Variants in MAP3K20 observed in about 807,000 individuals in gnomAD.
MAP3K20 encodes the protein HCCS-4.
Under a neutral mutation model 85.7 loss-of-function variants are expected in MAP3K20, and 40 were observed. That is an observed-to-expected ratio of 0.47 (90% CI 0.36 to 0.61). MAP3K20 has a LOEUF of 0.61. MAP3K20 is among the 20% of genes least tolerant of loss of function. The pLI is 0.00. For synonymous variants in MAP3K20, 325 were observed against 327.7 expected (o/e 0.99, Z 0.09); for missense variants, 817 against 961.7 (o/e 0.85, Z 1.99).
rs186915070 is a variant in MAP3K20 at position 173,105,510 on chromosome 2, A to T, written c.159+14320A>T. On this transcript the variant is annotated intron_variant, in intron 2 of 19. Transcript: ENST00000375213. ...CCATTTACAATGCAATAAAAATATG[A>T]AATACTTGGAAGCAACCTAAATGTC... Among the ~76,000 whole-genome samples the T allele has an allele frequency of 5.2e-3, 793 of 152,350 alleles. 5 individuals are homozygous for T. Among genetic ancestry groups the T allele is most frequent in the Non-Finnish European group, 8.7e-3 (591 of 68,036 alleles).
rs766276002 is a variant in MAP3K20, at chr2:173,217,105, C to T, written c.852-10C>T. 6.5e-7 allele frequency: 1 copy of T among 1,532,432 alleles called. No homozygotes were observed. Among genetic ancestry groups the T allele is most frequent in the African/African-American group, 1.4e-5 (1 of 72,042 alleles). 94.9% of individuals were successfully genotyped at this position (1,532,432 alleles called of 1,614,324 possible). A position where few individuals can be genotyped will look rare whatever the true frequency, so the allele number is the denominator to read the frequency against. On this transcript the variant is annotated splice_polypyrimidine_tract_variant and intron_variant, in intron 10 of 19. Coordinates refer to ENST00000375213, the MANE Select transcript of MAP3K20 (RefSeq NM_016653.3). ...TAAAGTTGAGACTTACACCAGCTAT[C>T]CCCGTGCAGGTGCGAAATTGAGGCA...
chr2:173,188,296 G>A (rs751681598), intron 5 of MAP3K20, among the ~76,000 whole-genome samples: 1 of 152,108 alleles, frequency 6.6e-6, no homozygotes, highest in Non-Finnish European at 1.5e-5. Context: ...TGCTTCTTCT[G>A]TTACATCACT....
intron 19 of MAP3K20, among the ~76,000 whole-genome samples, chr2:173,265,805 A>G (rs889000791): frequency 2.0e-5 from 3 of 152,228 alleles, no homozygotes; most frequent in Non-Finnish European, 4.4e-5. Flanking sequence ...GGATTAAATG[A>G]GATAGTGTAA....
In MAP3K20 at chr2:173,075,955, G is replaced by T; in HGVS notation, c.-82G>T. 6 of 985,152 alleles carry T rather than the reference G, an allele frequency of 6.1e-6. No homozygotes were observed. The highest frequency in any genetic ancestry group is 7.2e-6 in the Non-Finnish European group (6 of 829,902). 61.0% of individuals were successfully genotyped at this position (985,152 alleles called of 1,614,324 possible). A position where few individuals can be genotyped will look rare whatever the true frequency, so the allele number is the denominator to read the frequency against. On this transcript the variant is annotated 5_prime_UTR_variant, in exon 1 of 20. Transcript: ENST00000375213. ...AACCCCCGCCGCCCTCGTCGCGCGC[G>T]GGGCCTCCGCGCCCCCGGCTGCTGC...
intron 2 of MAP3K20, among the ~76,000 whole-genome samples, chr2:173,097,708 G>T (rs1051826302): frequency 1.3e-5 from 2 of 152,026 alleles, no homozygotes; most frequent in Admixed American, 1.3e-4. Flanking sequence ...TTTATTCCAC[G>T]TTATAAATAT....
chr2:173,122,814 A>G (rs1055440600), intron 2 of MAP3K20, among the ~76,000 whole-genome samples: 5 of 152,104 alleles, frequency 3.3e-5, no homozygotes, highest in Non-Finnish European at 5.9e-5. Context: ...TTGATAGTAA[A>G]TGCACCGATC....
chr2:173,075,744 C>T, upstream of MAP3K20: 1 of 985,274 alleles, frequency 1.0e-6, no homozygotes. Context: ...CAGGGAGGCC[C>T]GAGCGCCTTC....
intron 14 of MAP3K20, 97 bp downstream of exon 14, chr2:173,232,556 TGCAAAGGC>T: frequency 6.5e-7 from 1 of 1,534,568 alleles, no homozygotes; most frequent in Non-Finnish European, 8.8e-7. Flanking sequence ...CAGGCTGGAG[TGCAAAGGC>T]ACAATCTTGG....
intron 16 of MAP3K20, among the ~76,000 whole-genome samples, chr2:173,248,480 C>G (rs947364238): frequency 1.6e-4 from 25 of 152,200 alleles, no homozygotes; most frequent in African/African-American, 6.0e-4. Flanking sequence ...CAGAATTTTA[C>G]AACTGCATAA....
At chr2:173,248,852 G>A (rs557138704) in intron 16 of MAP3K20, among the ~76,000 whole-genome samples, 3 of 152,120 alleles carry the variant, frequency 2.0e-5, no homozygotes, top group Non-Finnish European at 4.4e-5. Context: ...TCAAGATTAC[G>A]AATTCCTTTT....
At chr2:173,211,877 G>C (rs1389662514) in intron 10 of MAP3K20, 2 of 152,176 alleles carry the variant, frequency 1.3e-5, no homozygotes, top group Non-Finnish European at 2.9e-5. Flanking sequence ...TCGCGCCACT[G>C]CACTCCAGCC....
intron 7 of MAP3K20, among the ~76,000 whole-genome samples, chr2:173,195,279 CAT>C (rs1476453796): frequency 6.7e-6 from 1 of 148,894 alleles, no homozygotes; most frequent in Non-Finnish European, 1.5e-5. Flanking sequence ...GCCTTGAAAA[CAT>C]AGTGGCTTAA....
chr2:173,077,836 T>G (rs1252578453), intron 1 of MAP3K20, among the ~76,000 whole-genome samples: 2 of 152,132 alleles, frequency 1.3e-5, no homozygotes, highest in Non-Finnish European at 2.9e-5. Context: ...GATCTAAAAA[T>G]GGATGGTCAA....
chr2:173,112,446 T>C (rs1688003037), intron 2 of MAP3K20, among the ~76,000 whole-genome samples: 1 of 152,222 alleles, frequency 6.6e-6, no homozygotes, highest in South Asian at 2.1e-4. Context: ...AGCACTATTT[T>C]GAAGAGGAGT....
At chr2:173,123,536 A>G (rs767081827) in intron 2 of MAP3K20, among the ~76,000 whole-genome samples, 3 of 151,802 alleles carry the variant, frequency 2.0e-5, no homozygotes, top group Admixed American at 6.5e-5. Context: ...CTACTCAGCA[A>G]AAGTTTTCCA....
chr2:173,222,944 G>A (rs1684290475), intron 11 of MAP3K20: 1 of 985,190 alleles, frequency 1.0e-6, no homozygotes, highest in Admixed American at 6.2e-5. Flanking sequence ...AAATTAGAAA[G>A]GAGTGTCATT....
chr2:173,244,097 G>T (rs953976942), intron 16 of MAP3K20, among the ~76,000 whole-genome samples: 5 of 152,150 alleles, frequency 3.3e-5, no homozygotes, highest in African/African-American at 7.2e-5. Flanking sequence ...ACACTGAAAC[G>T]GAATTAGATT....
chr2:173,208,397 TA>T lies in MAP3K20; in HGVS notation c.745-1317del, dbSNP rs11446256. Among the ~76,000 whole-genome samples the T allele has an allele frequency of 3.5e-3, 510 of 144,810 alleles. 2 individuals carry two copies. Among genetic ancestry groups the T allele is most frequent in the African/African-American group, 0.011 (416 of 38,814 alleles). On this transcript the variant is annotated intron_variant, in intron 9 of 19. Transcript: ENST00000375213. ...TGGGCAACAGAGCAAGACTCTGTCT[TA>T]AAAAAAAAAAAAAATCATTTTAAAA...
At chr2:173,098,403 C>T (rs1274468464) in intron 2 of MAP3K20, among the ~76,000 whole-genome samples, 1 of 152,174 alleles carries the variant, frequency 6.6e-6, no homozygotes, top group Non-Finnish European at 1.5e-5. Context: ...GAAAATATCA[C>T]ACCTGACCTC....
Sources: gnomAD v4.1 joint callset for allele counts (sites outside exome capture counted in the v4.1 genomes callset) on GRCh38, gnomAD v4.1.1 for gene constraint, MANE v1.5 for transcripts, NCBI Gene and HGNC (gene_info 2026-07-23, HGNC 2026-07-21) for gene names.